The following CPXCR1 variants were observed in gnomAD, a reference collection of about 807,000 sequenced individuals.
The protein encoded by CPXCR1 is CPX chromosomal region candidate gene 1 protein.
Under a neutral mutation model 13.8 loss-of-function variants are expected in CPXCR1, and 15 were observed. The ratio of observed to expected loss-of-function variants is 1.09; its 90% CI spans 0.73 to 1.67. The LOEUF is 1.67. Ranked by LOEUF, CPXCR1 falls within the 40% of genes most tolerant of loss-of-function variation. The probability of loss-of-function intolerance (pLI) is 0.00; values close to 1 mark genes in which losing one functional copy is unlikely to be tolerated. For missense variants in CPXCR1, 247 were observed against 223.6 expected, an observed-to-expected ratio of 1.10 and a Z score of -0.67; for synonymous variants, 70 against 76.7, an observed-to-expected ratio of 0.91 and a Z score of 0.46.
intron 2 of CPXCR1, among the ~76,000 whole-genome samples, chrX:88,750,130 A>G (rs1421562540): frequency 1.8e-5 from 2 of 111,087 alleles, no homozygotes; most frequent in African/African-American, 6.5e-5. Context: ...GTGGTGAGAG[A>G]GGGCATCCTT....
chrX:88,750,786 C>T (rs1924896227), intron 2 of CPXCR1, among the ~76,000 whole-genome samples: 1 of 111,479 alleles, frequency 9.0e-6, no homozygotes, highest in African/African-American at 3.3e-5. Context: ...TCGACTTCTT[C>T]CTGGTTTAGA....
intron 2 of CPXCR1, among the ~76,000 whole-genome samples, chrX:88,752,524 TTTTATTTATTTATTTATTTA>T (rs58707373): frequency 1.0e-5 from 1 of 96,886 alleles, no homozygotes; most frequent in African/African-American, 3.7e-5. Context: ...TATTTATCCA[TTTTATTTATTTATTTATTTA>T]TTTATTTATT....
At position 88,752,277 on chromosome X, in the gene CPXCR1, G is replaced by T. The variant is rs1274213568; in HGVS notation, c.-8-1130G>T. Among the ~76,000 whole-genome samples, 4 of 111,076 alleles carry T rather than the reference G, an allele frequency of 3.6e-5. No homozygotes were observed. The Admixed American group carries it at 3.8e-4, about 11-fold the overall frequency. On this transcript the variant is annotated intron_variant, in intron 2 of 2. Transcript: ENST00000276127. The stretch of plus-strand genomic sequence containing the variant: ...GGGTGACAGGAGAGTGGTGAGTGTA[G>T]AGTTTGCCATCAGTGAAATCTGCCA...
rs1420852252 is a variant in CPXCR1, at chrX:88,753,452, G to C, written c.38G>C (p.Gly13Ala). 10 of 1,156,947 alleles carry C rather than the reference G, an allele frequency of 8.6e-6. No individual in the cohort carries two copies. The highest frequency in any genetic ancestry group is 1.2e-5 in the Non-Finnish European group (10 of 869,506). Residue 13 changes from glycine (G) to alanine (A), a missense_variant, in exon 3 of 3, where the codon GGA becomes GCA. By Grantham distance (60) the Gly-to-Ala change is moderately conservative. Coordinates refer to ENST00000276127, the MANE Select transcript of CPXCR1 (RefSeq NM_033048.6). ...ACTAAAGAAGGAAGTGATACAGCTG[G>C]AAATGCTCACAAAAATTCTGAAAAT... ...YPTKEGSDTA[G>A]NAHKNSENEP...
At chrX:88,748,575 C>A (rs1924834654) in intron 1 of CPXCR1, among the ~76,000 whole-genome samples, 1 of 110,449 alleles carries the variant, frequency 9.1e-6, no homozygotes, top group African/African-American at 3.3e-5. Context: ...TAACAGAATA[C>A]ATATAGCCTT....
intron 2 of CPXCR1, among the ~76,000 whole-genome samples, chrX:88,750,263 T>C (rs143884380): frequency 0.016 from 1,741 of 111,562 alleles, 29 homozygotes; most frequent in African/African-American, 0.054. Flanking sequence ...ACCTAGTCTA[T>C]TGAGAGTTTT....
chrX:88,748,562 G>T (rs910366782), intron 1 of CPXCR1, among the ~76,000 whole-genome samples: 1 of 109,947 alleles, frequency 9.1e-6, no homozygotes, highest in African/African-American at 3.3e-5. Flanking sequence ...ATATTGAGAG[G>T]TTTAACAGAA....
chrX:88,747,628 AAGG>A (rs1924807535), intron 1 of CPXCR1, among the ~76,000 whole-genome samples: 1 of 111,825 alleles, frequency 8.9e-6, no homozygotes, highest in Non-Finnish European at 1.9e-5. Flanking sequence ...AACAGAAGAT[AAGG>A]TCCCTCAATT....
In CPXCR1 at chrX:88,754,469, G is replaced by A. The variant is rs1291541057; in HGVS notation, c.*149G>A. The A allele has an allele frequency of 9.9e-6, 4 of 404,180 alleles. No individual in the cohort carries two copies. Among genetic ancestry groups the A allele is most frequent in the Non-Finnish European group, 1.3e-5 (3 of 232,830 alleles). The allele number at this position is 404,180 out of a possible 1,213,427, so 33.3% of individuals were successfully genotyped here. A position where few individuals can be genotyped will look rare whatever the true frequency, so the allele number is the denominator to read the frequency against. On this transcript the variant is annotated 3_prime_UTR_variant, in exon 3 of 3. Coordinates refer to ENST00000276127, the MANE Select transcript of CPXCR1 (RefSeq NM_033048.6). ...ACAAACTAATAGTACCTCTCAGTAA[G>A]AAATACCTATGGGGAGTGAGGAAAC...
In CPXCR1 at chrX:88,754,306, T is replaced by A; in HGVS notation, c.892T>A (p.Ser298Thr). The A allele has an allele frequency of 9.1e-7, 1 of 1,095,243 alleles. No individual in the cohort carries two copies. The highest frequency in any genetic ancestry group is 1.2e-6 in the Non-Finnish European group (1 of 827,262). 90.3% of individuals were successfully genotyped at this position (1,095,243 alleles called of 1,213,427 possible). ...TGAATTAAGACAACATTCATGCAGCTCTTCTGGGAATTAAATTAAATTGGG... is the reference window on the plus strand; with the variant it reads ...TGAATTAAGACAACATTCATGCAGCACTTCTGGGAATTAAATTAAATTGGG... ...YSELRQHSCS[S>T]SGN The change falls in exon 3 of 3, where the codon TCT becomes ACT. Residue 298 changes from serine (S) to threonine (T), a missense_variant. Coordinates refer to ENST00000276127, the MANE Select transcript of CPXCR1 (RefSeq NM_033048.6).
intron 2 of CPXCR1, among the ~76,000 whole-genome samples, chrX:88,751,513 C>T (rs981874454): frequency 1.8e-5 from 2 of 110,792 alleles, no homozygotes; most frequent in East Asian, 2.9e-4. Context: ...AGAATAAGTG[C>T]GATGTGGTGC....
Position 88,753,721 on chromosome X carries a change from C to T in CPXCR1, c.307C>T (p.His103Tyr). 8.3e-7 allele frequency: 1 copy of T among 1,209,585 alleles called. No homozygotes were observed. The highest frequency in any genetic ancestry group is 1.1e-6 in the Non-Finnish European group (1 of 893,890). Residue 103 changes from histidine to tyrosine, a missense_variant, in exon 3 of 3, where the codon CAC (histidine) becomes TAC (tyrosine). Transcript: ENST00000276127. ...CCCCATTCCCAGAAAATTGGTCTCT[C>T]ACAAGCCCTTAAATGATAGATCAAG... ...QTPIPRKLVS[H>Y]KPLNDRSRSH...
chrX:88,747,905 G>A (rs969434676), intron 1 of CPXCR1, among the ~76,000 whole-genome samples: 1 of 112,138 alleles, frequency 8.9e-6, no homozygotes, highest in Non-Finnish European at 1.9e-5. Flanking sequence ...GGAGGATACA[G>A]TATAAATAGA....
intron 2 of CPXCR1, among the ~76,000 whole-genome samples, chrX:88,752,837 G>A (rs1052396890): frequency 6.3e-5 from 7 of 111,480 alleles, no homozygotes; most frequent in African/African-American, 1.6e-4. Flanking sequence ...ATGGGACACC[G>A]CGCTTGGCCT....
At chrX:88,749,260 G>A (rs1401828264) in intron 1 of CPXCR1, 58 bp from the exon 2 acceptor site, 2 of 109,562 alleles carry the variant, frequency 1.8e-5, no homozygotes, top group African/African-American at 6.6e-5. Context: ...CTTGGGGGAA[G>A]AAGGTGCAGG....
chrX:88,752,458 C>T (rs1924945303), intron 2 of CPXCR1, among the ~76,000 whole-genome samples: 1 of 111,726 alleles, frequency 9.0e-6, no homozygotes, highest in Non-Finnish European at 1.9e-5. Flanking sequence ...ATCTACCCTA[C>T]TTTCCCTTCT....
At chrX:88,752,793 C>T (rs1331139048) in intron 2 of CPXCR1, among the ~76,000 whole-genome samples, 2 of 110,922 alleles carry the variant, frequency 1.8e-5, no homozygotes, top group African/African-American at 3.3e-5. Flanking sequence ...GTGATCCGCC[C>T]GCCTCAGCCT....
chrX:88,754,091 A>G lies in CPXCR1; in HGVS notation c.677A>G (p.Lys226Arg), dbSNP rs1027701922. ...KFCKSTDTKG[K>R]CRFRAIVRSV... ...TGCAAATCAACTGACACTAAAGGGA[A>G]ATGTAGATTCCGTGCTATTGTGAGG... Residue 226 changes from lysine to arginine, a missense_variant, in exon 3 of 3, where the codon AAA becomes AGA. Coordinates refer to ENST00000276127, the MANE Select transcript of CPXCR1 (RefSeq NM_033048.6). The G allele has an allele frequency of 1.4e-5, 17 of 1,206,250 alleles. No homozygotes were observed. In the Admixed American group the frequency reaches 2.2e-4, roughly 16 times the overall value.
chrX:88,748,795 T>TTGTGTG (rs748485686), intron 1 of CPXCR1, among the ~76,000 whole-genome samples: 1 of 99,667 alleles, frequency 1.0e-5, no homozygotes, highest in Middle Eastern at 5.4e-3. Flanking sequence ...GATATTTCTT[T>TTGTGTG]TGTGTGTGTG....
Sources: allele counts gnomAD v4.1 joint callset (sites outside exome capture counted in the v4.1 genomes callset), GRCh38; gene constraint gnomAD v4.1.1; transcripts MANE v1.5; gene names NCBI Gene and HGNC (gene_info 2026-07-23, HGNC 2026-07-21).